Variants in KCNK9 observed in about 807,000 individuals in gnomAD.
KCNK9 encodes the protein potassium two pore domain channel subfamily K member 9.
Under a neutral mutation model 10.8 loss-of-function variants are expected in KCNK9, and 1 was observed. The observed-to-expected ratio is 0.09, with a 90% CI of 0.03 to 0.44. The LOEUF (loss-of-function observed/expected upper bound fraction) is 0.44, where lower values mean the gene tolerates loss of function less well. KCNK9 is among the 20% of genes least tolerant of loss of function. KCNK9 has a pLI of 0.97. For missense variants in KCNK9, 303 were observed against 515.0 expected, an observed-to-expected ratio of 0.59 and a Z score of 3.98; for synonymous variants, 231 against 222.7, an observed-to-expected ratio of 1.04 and a Z score of -0.33.
In KCNK9 at chr8:139,676,201, G is replaced by C. The variant is rs141404849; in HGVS notation, c.283+26509C>G. On this transcript the variant is annotated intron_variant, in intron 1 of 1. Coordinates refer to ENST00000520439, the MANE Select transcript of KCNK9 (RefSeq NM_001282534.2). ...GTTAAGCCACTGAGAAGTGAGGGCA[G>C]TTTGTTACAGCAGTTAGCCTGTGCT... Among the ~76,000 whole-genome samples, 35 of 152,368 alleles carry C rather than the reference G, an allele frequency of 2.3e-4. No homozygotes were observed. In the East Asian group the frequency reaches 6.7e-3, roughly 29 times the overall value.
chr8:139,690,281 G>A (rs559773154), intron 1 of KCNK9, among the ~76,000 whole-genome samples: 80 of 152,142 alleles, frequency 5.3e-4, no homozygotes, highest in Admixed American at 9.2e-4. Context: ...TCTGTAAAAC[G>A]GGGATACATG....
At chr8:139,608,553 G>C (rs149837075), downstream of KCNK9, among the ~76,000 whole-genome samples, 789 of 150,036 alleles carry the variant, frequency 5.3e-3, 6 homozygotes, top group African/African-American at 0.016. Context: ...AGTGTGGGAG[G>C]GTTCAGCAGA....
At chr8:139,641,811 G>A (rs912549534) in intron 1 of KCNK9, among the ~76,000 whole-genome samples, 1 of 152,186 alleles carries the variant, frequency 6.6e-6, no homozygotes, top group Non-Finnish European at 1.5e-5. Flanking sequence ...CAACTGCCCT[G>A]ACACTGCAGC....
intron 1 of KCNK9, among the ~76,000 whole-genome samples, chr8:139,662,880 G>C (rs1054166928): frequency 9.1e-6 from 1 of 109,646 alleles, no homozygotes; most frequent in African/African-American, 4.6e-5. Flanking sequence ...GGAAGGGGGG[G>C]GGGCTGGAGG....
At chr8:139,636,894 G>C (rs1815356303) in intron 1 of KCNK9, among the ~76,000 whole-genome samples, 1 of 152,168 alleles carries the variant, frequency 6.6e-6, no homozygotes, top group South Asian at 2.1e-4. Flanking sequence ...GCCATGGAAG[G>C]GTCACTCCTG....
chr8:139,651,698 A>G (rs1369013991), intron 1 of KCNK9, among the ~76,000 whole-genome samples: 3 of 152,212 alleles, frequency 2.0e-5, no homozygotes, highest in Non-Finnish European at 4.4e-5. Context: ...TTAGTGGAAG[A>G]GTACTGGGGT....
chr8:139,633,914 C>T (rs1293661014), intron 1 of KCNK9, among the ~76,000 whole-genome samples: 6 of 152,274 alleles, frequency 3.9e-5, no homozygotes, highest in Non-Finnish European at 7.3e-5. Context: ...TTCAATCTGC[C>T]CTTTGGTTCC....
intron 1 of KCNK9, among the ~76,000 whole-genome samples, chr8:139,665,317 C>T (rs1029744254): frequency 3.9e-5 from 6 of 152,162 alleles, no homozygotes; most frequent in African/African-American, 1.4e-4. Flanking sequence ...GGCTGTAGTC[C>T]TCACATCACA....
At chr8:139,676,255 C>T (rs1337919694) in intron 1 of KCNK9, among the ~76,000 whole-genome samples, 1 of 152,234 alleles carries the variant, frequency 6.6e-6, no homozygotes, top group Non-Finnish European at 1.5e-5. Flanking sequence ...ATACATCCTT[C>T]CCTCTTCTCC....
Position 139,618,072 on chromosome 8 carries a change from T to C in KCNK9, c.*186A>G. On this transcript the variant is annotated 3_prime_UTR_variant, in exon 2 of 2. Coordinates refer to ENST00000520439, the MANE Select transcript of KCNK9 (RefSeq NM_001282534.2). This position sits in a 1 kb window ranked among gnomAD's most constrained non-coding sequence, Gnocchi z 7.9. ...AGGAGGATGGGCCTGTATTTCCCTT[T>C]GGCCTGCTCTGTCTGGCTGGAAAGG... 1.4e-6 allele frequency: 1 copy of C among 730,452 alleles called. No homozygotes were observed. The highest frequency in any genetic ancestry group is 2.8e-5 in the East Asian group (1 of 35,958). 45.2% of individuals were successfully genotyped at this position (730,452 alleles called of 1,614,324 possible).
At chr8:139,631,311 G>A in intron 1 of KCNK9, among the ~76,000 whole-genome samples, 1 of 152,320 alleles carries the variant, frequency 6.6e-6, no homozygotes, top group East Asian at 1.9e-4. Flanking sequence ...CGGGGACTGC[G>A]CTAAGATATT....
At chr8:139,631,932 A>T (rs1815186703) in intron 1 of KCNK9, among the ~76,000 whole-genome samples, 1 of 152,246 alleles carries the variant, frequency 6.6e-6, no homozygotes. Flanking sequence ...GGGAACAGGC[A>T]GAGTTCACCC....
At chr8:139,673,355 T>C (rs567745178) in intron 1 of KCNK9, among the ~76,000 whole-genome samples, 1 of 152,342 alleles carries the variant, frequency 6.6e-6, no homozygotes. Flanking sequence ...TTGTATGCTA[T>C]GTGAACGAAA....
intron 1 of KCNK9, among the ~76,000 whole-genome samples, chr8:139,656,435 G>A (rs943399817): frequency 1.3e-5 from 2 of 152,048 alleles, no homozygotes; most frequent in African/African-American, 2.4e-5. Context: ...CCGCTCCCTC[G>A]GCCTGGAGTG....
downstream of KCNK9, among the ~76,000 whole-genome samples, chr8:139,610,239 C>T (rs1814379034): frequency 6.6e-6 from 1 of 152,232 alleles, no homozygotes; most frequent in African/African-American, 2.4e-5. Context: ...CTGACACCCT[C>T]AGAGGACCCT....
intron 1 of KCNK9, among the ~76,000 whole-genome samples, chr8:139,634,297 T>C (rs1471422412): frequency 6.6e-6 from 1 of 152,208 alleles, no homozygotes; most frequent in African/African-American, 2.4e-5. Flanking sequence ...CTCCAGTTAC[T>C]GGCTTGAGGG....
chr8:139,613,945 G>A (rs888742196), downstream of KCNK9, among the ~76,000 whole-genome samples: 11 of 152,226 alleles, frequency 7.2e-5, no homozygotes, highest in Admixed American at 1.3e-4. Flanking sequence ...AGGGGCAGGC[G>A]CCTCTGCAGA....
rs1373102870 is a variant in KCNK9, at chr8:139,702,379, G to A, written c.283+331C>T. Among the ~76,000 whole-genome samples, 2 of 152,096 alleles carry A rather than the reference G, an allele frequency of 1.3e-5. No homozygotes were observed. The highest frequency in any genetic ancestry group is 2.4e-5 in the African/African-American group (1 of 41,422). On this transcript the variant is annotated intron_variant, in intron 1 of 1. Transcript: ENST00000520439. The surrounding 1 kb of genome is among the most constrained non-coding windows in gnomAD (Gnocchi z 7.5). ...GCCCGCGCCGGGGCGGTGGGTGGGTGGGTGTCTGCTATGGGATTATTCTTA... is the reference window on the plus strand; with the variant it reads ...GCCCGCGCCGGGGCGGTGGGTGGGTAGGTGTCTGCTATGGGATTATTCTTA...
At chr8:139,646,389 A>G (rs1343491618) in intron 1 of KCNK9, among the ~76,000 whole-genome samples, 2 of 152,268 alleles carry the variant, frequency 1.3e-5, no homozygotes, top group East Asian at 3.8e-4. Context: ...GGCAGATGAC[A>G]GTCAGCTCCG....
Sources: allele counts gnomAD v4.1 joint callset (sites outside exome capture counted in the v4.1 genomes callset), GRCh38; gene constraint gnomAD v4.1.1; non-coding constraint Gnocchi (gnomAD v3.1); transcripts MANE v1.5; gene names NCBI Gene and HGNC (gene_info 2026-07-23, HGNC 2026-07-21).